The following OR4K1 variants were observed in gnomAD, a reference collection of about 807,000 sequenced individuals.
OR4K1 encodes the protein olfactory receptor family 4 subfamily K member 1, also known as olfactory receptor 4K1.
OR4K1 carries 16 observed loss-of-function variants against 14.4 expected under a neutral mutation model. The ratio of observed to expected loss-of-function variants is 1.11; its 90% confidence interval spans 0.75 to 1.68. The LOEUF (loss-of-function observed/expected upper bound fraction) is 1.68, where lower values mean the gene tolerates loss of function less well. Ranked by LOEUF, OR4K1 falls within the 40% of genes most tolerant of loss-of-function variation. The pLI is 0.00. For missense variants in OR4K1, 548 were observed against 376.9 expected (o/e 1.45, Z -3.76); for synonymous variants, 181 against 133.1 (o/e 1.36, Z -2.48).
At chr14:19,924,087 T>C in the OR4K1 span, among the ~76,000 whole-genome samples, 1 of 152,200 alleles carries the variant, frequency 6.6e-6, no homozygotes, top group Non-Finnish European at 1.5e-5. Flanking sequence ...GAAATTCATC[T>C]ATGACATGCT....
chr14:19,920,660 T>C, the OR4K1 span: 2 of 1,613,884 alleles, frequency 1.2e-6, no homozygotes, highest in African/African-American at 1.3e-5. Flanking sequence ...TGGGACTCTG[T>C]AGTTCTCAAA....
chr14:19,929,415 G>GGAGA (rs1322989741), upstream of OR4K1, among the ~76,000 whole-genome samples: 2 of 144,452 alleles, frequency 1.4e-5, no homozygotes, highest in Non-Finnish European at 3.0e-5. Flanking sequence ...GCGTATGGGG[G>GGAGA]GAGAGAGAGA....
At chr14:19,922,110 T>A in the OR4K1 span, among the ~76,000 whole-genome samples, 1 of 151,974 alleles carries the variant, frequency 6.6e-6, no homozygotes, top group Non-Finnish European at 1.5e-5. Flanking sequence ...CATACGGTTT[T>A]CAAATAGCTA....
chr14:19,920,979 G>T, the OR4K1 span: 1 of 1,614,156 alleles, frequency 6.2e-7, no homozygotes, highest in Non-Finnish European at 8.5e-7. Flanking sequence ...CAGGTATGTA[G>T]CCATATGCAA....
the OR4K1 span, chr14:19,920,839 C>T: frequency 1.9e-6 from 3 of 1,614,196 alleles, no homozygotes; most frequent in Non-Finnish European, 2.5e-6. Flanking sequence ...TCTTTTGCTA[C>T]CCCTAAAATG....
rs775184129 is a variant in OR4K1, at chr14:19,936,322, C to T, written c.656C>T (p.Thr219Ile). 6.2e-7 allele frequency: 1 copy of T among 1,614,268 alleles called. No individual in the cohort carries two copies. The highest frequency in any genetic ancestry group is 8.5e-7 in the Non-Finnish European group (1 of 1,180,044). Residue 219 changes from threonine to isoleucine, a missense_variant, in exon 2 of 2, where the codon ACC becomes ATC. Thr to Ile is a moderately conservative substitution (Grantham distance 89, BLOSUM62 -1). Transcript: ENST00000641172. ...SCFLALIISY[T>I]IILIGVRCRS... ...TTCCTGGCTTTAATTATTTCCTACA[C>T]CATCATTTTGATCGGTGTCCGATGC... is the stretch of plus-strand genomic sequence containing the variant.
chr14:19,936,202 G>C lies in OR4K1; in HGVS notation c.536G>C (p.Cys179Ser). Reference protein sequence around the residue: ...CGPNEVDSFFCDLPLVIELAC... With the variant: ...CGPNEVDSFFSDLPLVIELAC... ...CCCAATGAGGTGGATAGCTTCTTTT[G>C]TGACCTTCCCTTGGTGATAGAGCTG... Residue 179 changes from cysteine to serine, a missense_variant, in exon 2 of 2, where the codon TGT becomes TCT. Coordinates refer to ENST00000641172, the MANE Select transcript of OR4K1 (RefSeq NM_001004063.3). 1.2e-6 allele frequency: 2 copies of C among 1,614,200 alleles called. No individual in the cohort carries two copies. The highest frequency in any genetic ancestry group is 4.5e-5 in the East Asian group (2 of 44,886).
chr14:19,929,081 AT>A (rs750027371), upstream of OR4K1, among the ~76,000 whole-genome samples: 12 of 151,898 alleles, frequency 7.9e-5, no homozygotes, highest in East Asian at 1.9e-4. Context: ...TTATAAAAAA[AT>A]CTTCACGTGC....
At chr14:19,921,672 A>G in the OR4K1 span, 1 of 1,269,596 alleles carries the variant, frequency 7.9e-7, no homozygotes, top group East Asian at 2.4e-5. Context: ...AGTAGTGAAG[A>G]AGATAATATA....
chr14:19,933,736 G>A (rs1022735805), intron 1 of OR4K1, among the ~76,000 whole-genome samples: 5 of 152,178 alleles, frequency 3.3e-5, no homozygotes, highest in Non-Finnish European at 5.9e-5. Flanking sequence ...GGGACTACAA[G>A]TGTGTGCCAC....
upstream of OR4K1, among the ~76,000 whole-genome samples, chr14:19,930,703 G>C (rs569343444): frequency 6.6e-6 from 1 of 152,338 alleles, no homozygotes; most frequent in East Asian, 1.9e-4. Context: ...GCTTTCATAT[G>C]TATACACTAG....
chr14:19,932,387 C>G (rs561227147), intron 1 of OR4K1, among the ~76,000 whole-genome samples: 1 of 152,190 alleles, frequency 6.6e-6, no homozygotes, highest in Admixed American at 6.5e-5. Flanking sequence ...CTTTCTCCCC[C>G]TTTGTCTTCT....
At position 19,936,299 on chromosome 14, in the gene OR4K1, C is replaced by G; in HGVS notation, c.633C>G (p.Phe211Leu). 6.2e-7 allele frequency: 1 copy of G among 1,614,242 alleles called. No individual in the cohort carries two copies. Among genetic ancestry groups the G allele is most frequent in the South Asian group, 1.1e-5 (1 of 91,092 alleles). Reference sequence around the variant, plus strand: ...GTGGCCTGATATCATTGAGCTGTTTCCTGGCTTTAATTATTTCCTACACCA... The same window carrying G: ...GTGGCCTGATATCATTGAGCTGTTTGCTGGCTTTAATTATTTCCTACACCA... ...TNSGLISLSC[F>L]LALIISYTII... is the part of the protein sequence containing the mutation. The change falls in exon 2 of 2, where the codon TTC becomes TTG. Residue 211 changes from phenylalanine to leucine, a missense_variant. Physicochemically the swap from Phe to Leu is conservative, Grantham distance 22 (BLOSUM62 0). Transcript: ENST00000641172.
At chr14:19,920,705 G>A in the OR4K1 span, 3 of 1,614,098 alleles carry the variant, frequency 1.9e-6, no homozygotes, top group East Asian at 6.7e-5. Flanking sequence ...TCTTCTCTGT[G>A]TTGTATACAG....
At chr14:19,926,764 C>T (rs997905206), upstream of OR4K1, among the ~76,000 whole-genome samples, 22 of 152,188 alleles carry the variant, frequency 1.4e-4, no homozygotes, top group African/African-American at 5.3e-4. Context: ...CAGGCTATGT[C>T]GACCAGAAAT....
chr14:19,928,538 G>C (rs1882110631), upstream of OR4K1, among the ~76,000 whole-genome samples: 1 of 151,862 alleles, frequency 6.6e-6, no homozygotes, highest in South Asian at 2.1e-4. Context: ...ATTCCTATTT[G>C]TTTATTTTAC....
chr14:19,920,826 G>C, the OR4K1 span: 3 of 1,614,048 alleles, frequency 1.9e-6, no homozygotes, highest in Admixed American at 5.0e-5. Flanking sequence ...CATTTGTCAG[G>C]CTTCTTTTGC....
chr14:19,922,136 T>C, the OR4K1 span, among the ~76,000 whole-genome samples: 1 of 152,080 alleles, frequency 6.6e-6, no homozygotes, highest in Admixed American at 6.6e-5. Context: ...CTTTAAAATA[T>C]GGAATGATAC....
intron 1 of OR4K1, among the ~76,000 whole-genome samples, chr14:19,933,671 C>A (rs748347499): frequency 1.1e-4 from 16 of 152,190 alleles, no homozygotes; most frequent in Non-Finnish European, 1.8e-4. Flanking sequence ...TGGCTCACTG[C>A]AACCTCCACC....
Sources: gnomAD v4.1 joint callset for allele counts (sites outside exome capture counted in the v4.1 genomes callset) on GRCh38, gnomAD v4.1.1 for gene constraint, MANE v1.5 for transcripts, NCBI Gene and HGNC (gene_info 2026-07-23, HGNC 2026-07-21) for gene names.